The following DSE variants were observed in gnomAD, a reference collection of about 807,000 sequenced individuals.
DSE encodes the protein dermatan sulfate epimerase, also known as dermatan-sulfate epimerase.
In DSE, 36 loss-of-function variants were observed where a neutral mutation model predicts 84.4. The observed-to-expected ratio is 0.43, with a 90% CI of 0.33 to 0.56. The LOEUF (loss-of-function observed/expected upper bound fraction) is 0.56, where lower values mean the gene tolerates loss of function less well. Among genes scored for constraint, DSE ranks in the 20% least tolerant of loss-of-function variants. DSE has a pLI of 0.06. For synonymous variants in DSE, 410 were observed against 430.1 expected, an observed-to-expected ratio of 0.95 and a Z score of 0.58; for missense variants, 862 against 1,169.6, an observed-to-expected ratio of 0.74 and a Z score of 3.84.
intron 2 of DSE, among the ~76,000 whole-genome samples, chr6:116,310,929 G>A (rs990282562): frequency 6.6e-6 from 1 of 152,168 alleles, no homozygotes; most frequent in African/African-American, 2.4e-5. Context: ...GCCCTGCCTT[G>A]CCTGTGTGTC....
intron 2 of DSE, among the ~76,000 whole-genome samples, chr6:116,305,700 T>C (rs1290493501): frequency 1.3e-5 from 2 of 152,150 alleles, no homozygotes; most frequent in African/African-American, 4.8e-5. Context: ...TGCAATGGCG[T>C]AATCTTGGCT....
At chr6:116,274,518 T>C (rs963666085) in intron 2 of DSE, among the ~76,000 whole-genome samples, 1 of 151,084 alleles carries the variant, frequency 6.6e-6, no homozygotes, top group Non-Finnish European at 1.5e-5. Context: ...AGCGGAAGCT[T>C]GCCATGAGCC....
intron 1 of DSE, among the ~76,000 whole-genome samples, chr6:116,373,923 ATT>A (rs1779764725): frequency 6.6e-6 from 1 of 152,236 alleles, no homozygotes. Flanking sequence ...ACTCAATAGT[ATT>A]ATTTCAATAA....
intron 2 of DSE, chr6:116,279,878 A>C: frequency 6.2e-7 from 1 of 1,612,896 alleles, no homozygotes; most frequent in South Asian, 1.1e-5. Context: ...TTTTCCTCAG[A>C]GGCCGAACTG....
At chr6:116,301,997 G>A (rs1775070582) in intron 2 of DSE, among the ~76,000 whole-genome samples, 1 of 152,166 alleles carries the variant, frequency 6.6e-6, no homozygotes, top group Admixed American at 6.5e-5. Flanking sequence ...ATTATTCCAT[G>A]ATGTATATGT....
chr6:116,307,806 C>A (rs930947381), intron 2 of DSE, among the ~76,000 whole-genome samples: 3 of 152,166 alleles, frequency 2.0e-5, no homozygotes, highest in African/African-American at 7.2e-5. Context: ...TTCCAAAGGG[C>A]AATACATGTT....
At chr6:116,293,956 T>A (rs1233463436) in intron 2 of DSE, among the ~76,000 whole-genome samples, 6 of 152,190 alleles carry the variant, frequency 3.9e-5, no homozygotes, top group Non-Finnish European at 8.8e-5. Flanking sequence ...AGTATGTTTT[T>A]AAAATATATA....
chr6:116,296,278 T>A (rs923920125), intron 2 of DSE, among the ~76,000 whole-genome samples: 5 of 152,224 alleles, frequency 3.3e-5, no homozygotes, highest in African/African-American at 7.2e-5. Flanking sequence ...TATACTGTAT[T>A]ATTTTTTAAT....
exon 2 of DSE, chr6:116,258,842 T>G: frequency 6.2e-7 from 1 of 1,608,502 alleles, no homozygotes; most frequent in Non-Finnish European, 8.5e-7. Flanking sequence ...TGCTTGACGA[T>G]GCACACAGTC....
At position 116,335,092 on chromosome 6, in the gene DSE, C is replaced by T. The variant is rs1211781293; in HGVS notation, c.-53-64106C>T. On this transcript the variant is annotated intron_variant, in intron 2 of 3. Coordinates refer to the DSE transcript ENST00000430252. Reference sequence around the variant, plus strand: ...ATGCACATGTATGTTCATTGCAGCACTATTCACAATAGCAAAGACATGGAA... The same window carrying T: ...ATGCACATGTATGTTCATTGCAGCATTATTCACAATAGCAAAGACATGGAA... 2.0e-5 allele frequency among the ~76,000 whole-genome samples: 3 copies of T among 152,120 alleles called. No homozygotes were observed. In the East Asian group the frequency reaches 5.8e-4, roughly 29 times the overall value.
rs185966642 is a variant in DSE at position 116,261,167 on chromosome 6, C to T, written c.-54+2200C>T. On this transcript the variant is annotated intron_variant, in intron 2 of 3. Coordinates refer to the DSE transcript ENST00000430252. ...CCGATTTCTTTGAGCAGTGTTTTGT[C>T]GTTATCCTTGTAGAGAACTTTAATC... Among the ~76,000 whole-genome samples the T allele has an allele frequency of 1.6e-3, 244 of 151,954 alleles. 1 individual carries two copies. Among genetic ancestry groups the T allele is most frequent in the Admixed American group, 4.5e-3 (68 of 15,248 alleles).
chr6:116,346,813 A>G (rs992238825), intron 2 of DSE, among the ~76,000 whole-genome samples: 1 of 152,220 alleles, frequency 6.6e-6, no homozygotes, highest in African/African-American at 2.4e-5. Context: ...TGGATTAGGA[A>G]AAGAGGAAGT....
At chr6:116,412,158 G>C (rs78197384) in intron 2 of DSE, among the ~76,000 whole-genome samples, 1,712 of 152,140 alleles carry the variant, frequency 0.011, 42 homozygotes, top group African/African-American at 0.037. Flanking sequence ...AAATATTATG[G>C]GTTCAGGGTG....
chr6:116,397,632 A>G (rs750321759), intron 1 of DSE, among the ~76,000 whole-genome samples: 1 of 152,060 alleles, frequency 6.6e-6, no homozygotes, highest in Non-Finnish European at 1.5e-5. Context: ...ACAGAAGACT[A>G]TTTCTTTTGG....
chr6:116,370,612 C>CTTCGGGTTCGA, upstream of DSE: 1 of 800,348 alleles, frequency 1.2e-6, no homozygotes, highest in Non-Finnish European at 1.5e-6. Context: ...TTCTCGAACC[C>CTTCGGGTTCGA]GAAGCGTTTG....
intron 1 of DSE, among the ~76,000 whole-genome samples, chr6:116,391,465 G>A (rs2114974511): frequency 6.6e-6 from 1 of 152,082 alleles, no homozygotes; most frequent in South Asian, 2.1e-4. Flanking sequence ...TCTTGATTTT[G>A]ATTAAGAGCT....
intron 2 of DSE, among the ~76,000 whole-genome samples, chr6:116,407,624 T>G (rs1013895003): frequency 1.3e-5 from 2 of 152,206 alleles, no homozygotes; most frequent in African/African-American, 4.8e-5. Flanking sequence ...GCTACTATGC[T>G]CATTATTTAC....
intron 2 of DSE, among the ~76,000 whole-genome samples, chr6:116,336,828 A>G (rs963920140): frequency 3.3e-5 from 5 of 151,940 alleles, no homozygotes; most frequent in Non-Finnish European, 7.4e-5. Flanking sequence ...CTGACTATGT[A>G]TTTTAGGCTA....
intron 2 of DSE, among the ~76,000 whole-genome samples, chr6:116,275,442 T>C (rs1773088598): frequency 6.6e-6 from 1 of 152,248 alleles, no homozygotes; most frequent in South Asian, 2.1e-4. Context: ...CTAGGTTATT[T>C]TGTTCTTTTT....
Sources: allele counts gnomAD v4.1 joint callset (sites outside exome capture counted in the v4.1 genomes callset), GRCh38; gene constraint gnomAD v4.1.1; transcripts MANE v1.5; gene names NCBI Gene and HGNC (gene_info 2026-07-23, HGNC 2026-07-21).